Variants in MYO3B observed in about 807,000 individuals in gnomAD.
MYO3B encodes myosin IIIB.
A neutral mutation model predicts 174.6 loss-of-function variants in MYO3B; 156 were observed. The ratio of observed to expected loss-of-function variants is 0.89; its 90% confidence interval spans 0.78 to 1.02. The LOEUF is 1.02. Among genes scored for constraint, MYO3B ranks in the 50% least tolerant of loss-of-function variants. The pLI, the probability that MYO3B is intolerant of heterozygous loss-of-function variation, is 0.00. For synonymous variants in MYO3B, 563 were observed against 569.1 expected (o/e 0.99, Z 0.15); for missense variants, 1,632 against 1,639.4 (o/e 1.00, Z 0.08).
chr2:170,394,669 T>G (rs1179258766), intron 16 of MYO3B, among the ~76,000 whole-genome samples: 1 of 152,196 alleles, frequency 6.6e-6, no homozygotes, highest in African/African-American at 2.4e-5. Flanking sequence ...CCACATTAAT[T>G]CATACAGGAA....
chr2:170,458,035 T>C (rs1684010221), intron 23 of MYO3B, among the ~76,000 whole-genome samples: 1 of 152,224 alleles, frequency 6.6e-6, no homozygotes, highest in Non-Finnish European at 1.5e-5. Flanking sequence ...ATTACAGGCA[T>C]GAGCTATCGC....
chr2:170,465,769 C>T (rs1262754971), intron 24 of MYO3B, among the ~76,000 whole-genome samples: 2 of 152,138 alleles, frequency 1.3e-5, no homozygotes, highest in East Asian at 3.8e-4. Flanking sequence ...AACTAGGTAA[C>T]ACCAATTTTG....
intron 1 of MYO3B, among the ~76,000 whole-genome samples, chr2:170,185,369 C>T (rs1306299880): frequency 6.6e-6 from 1 of 152,050 alleles, no homozygotes; most frequent in Non-Finnish European, 1.5e-5. Flanking sequence ...TATGGATAAC[C>T]AATTTTCCCA....
chr2:170,421,659 C>T (rs2094616139), intron 22 of MYO3B, among the ~76,000 whole-genome samples: 1 of 152,186 alleles, frequency 6.6e-6, no homozygotes, highest in South Asian at 2.1e-4. Context: ...TTGTCTTGGC[C>T]TCATCTGGAC....
At position 170,392,368 on chromosome 2, in the gene MYO3B, C is replaced by A. The variant is rs201753916; in HGVS notation, c.1677-13C>A. 1.4e-4 allele frequency: 213 copies of A among 1,561,892 alleles called. 1 individual carries two copies. The highest frequency in any genetic ancestry group is 1.7e-4 in the Non-Finnish European group (197 of 1,143,828). The stretch of plus-strand genomic sequence containing the variant: ...AGTGCTCATTCTGTTTGGTCATGCT[C>A]CACTTCATTTAGGTACATAGCTGAT... On this transcript the variant is annotated splice_polypyrimidine_tract_variant and intron_variant, in intron 15 of 34. Coordinates refer to ENST00000408978, the MANE Select transcript of MYO3B (RefSeq NM_138995.5).
chr2:170,275,136 A>AGTTTGCAAATCAAATAGTTG (rs2093455056), intron 7 of MYO3B, among the ~76,000 whole-genome samples: 1 of 152,304 alleles, frequency 6.6e-6, no homozygotes, highest in South Asian at 2.1e-4. Flanking sequence ...TTGCCTAACT[A>AGTTTGCAAATCAAATAGTTG]CTAACTATTT....
chr2:170,239,237 G>T (rs1046268944), intron 7 of MYO3B, among the ~76,000 whole-genome samples: 4 of 152,344 alleles, frequency 2.6e-5, no homozygotes, highest in African/African-American at 9.6e-5. Flanking sequence ...AAAGGATCTT[G>T]AAGATGACCT....
intron 32 of MYO3B, among the ~76,000 whole-genome samples, chr2:170,609,335 A>G (rs1695000230): frequency 6.6e-6 from 1 of 152,186 alleles, no homozygotes; most frequent in Non-Finnish European, 1.5e-5. Flanking sequence ...ATGTCATACA[A>G]GCAGGTATTC....
At chr2:170,354,648 T>C (rs1394274631) in intron 8 of MYO3B, among the ~76,000 whole-genome samples, 1 of 152,000 alleles carries the variant, frequency 6.6e-6, no homozygotes, top group Non-Finnish European at 1.5e-5. Flanking sequence ...CTTGGGAACA[T>C]GTGTTGGTTG....
chr2:170,200,400 A>G, intron 3 of MYO3B, 116 bp downstream of exon 3: 1 of 1,125,894 alleles, frequency 8.9e-7, no homozygotes. Context: ...TCCCTCCTGC[A>G]TGTCACAGGT....
chr2:170,471,095 G>A (rs1000471728), intron 25 of MYO3B, among the ~76,000 whole-genome samples: 1 of 151,154 alleles, frequency 6.6e-6, no homozygotes, highest in African/African-American at 2.4e-5. Flanking sequence ...CTGTCACCCA[G>A]GCTGGAGTGC....
chr2:170,335,009 G>C (rs570391960), intron 7 of MYO3B: 1 of 174,092 alleles, frequency 5.7e-6, no homozygotes, highest in Non-Finnish European at 1.2e-5. Context: ...ACAATTAAAC[G>C]TCTATTTCAC....
intron 9 of MYO3B, among the ~76,000 whole-genome samples, chr2:170,373,023 AG>A (rs1298660433): frequency 6.6e-6 from 1 of 152,146 alleles, no homozygotes; most frequent in Non-Finnish European, 1.5e-5. Flanking sequence ...TTTGTTTCTT[AG>A]GTGCTAGGGA....
At chr2:170,199,968 T>C (rs1261298846) in intron 2 of MYO3B, among the ~76,000 whole-genome samples, 182 bp from the exon 3 acceptor site, 1 of 152,192 alleles carries the variant, frequency 6.6e-6, no homozygotes, top group Non-Finnish European at 1.5e-5. Context: ...AATGTAATAA[T>C]GTAATACTAG....
At chr2:170,623,662 G>C (rs1412609693) in intron 32 of MYO3B, among the ~76,000 whole-genome samples, 2 of 152,184 alleles carry the variant, frequency 1.3e-5, no homozygotes, top group African/African-American at 4.8e-5. Context: ...CCTCTATCCT[G>C]AATGGTATTG....
At chr2:170,649,102 T>A (rs1273936080) in intron 32 of MYO3B, among the ~76,000 whole-genome samples, 1 of 58,160 alleles carries the variant, frequency 1.7e-5, no homozygotes, top group East Asian at 4.9e-4. Context: ...TAATGTATAT[T>A]ATATATAAAA....
intron 32 of MYO3B, among the ~76,000 whole-genome samples, chr2:170,589,816 T>A (rs561966798): frequency 1.3e-5 from 2 of 152,378 alleles, no homozygotes; most frequent in East Asian, 3.9e-4. Context: ...TGTATAGTAA[T>A]GTCCTTCGCA....
At chr2:170,208,376 T>G (rs2092736011) in intron 3 of MYO3B, among the ~76,000 whole-genome samples, 1 of 152,218 alleles carries the variant, frequency 6.6e-6, no homozygotes, top group South Asian at 2.1e-4. Context: ...ATAGTTATGC[T>G]TGCTAAGATG....
chr2:170,592,920 ATAGATATC>A (rs766460329), intron 32 of MYO3B, among the ~76,000 whole-genome samples: 2 of 152,014 alleles, frequency 1.3e-5, no homozygotes, highest in Non-Finnish European at 2.9e-5. Context: ...ATAGATATAT[ATAGATATC>A]TAGATATCTA....
Sources: allele counts gnomAD v4.1 joint callset (sites outside exome capture counted in the v4.1 genomes callset), GRCh38; gene constraint gnomAD v4.1.1; transcripts MANE v1.5; gene names NCBI Gene and HGNC (gene_info 2026-07-23, HGNC 2026-07-21).